The following SPIDR variants were observed in gnomAD, a reference collection of about 807,000 sequenced individuals.
The protein encoded by SPIDR is DNA repair-scaffolding protein.
SPIDR carries 93 observed loss-of-function variants against 104.6 expected under a neutral mutation model. That is an observed-to-expected ratio of 0.89 (90% CI 0.75 to 1.06). The LOEUF (loss-of-function observed/expected upper bound fraction) is 1.06, where lower values mean the gene tolerates loss of function less well. Among genes scored for constraint, SPIDR ranks in the 50% least tolerant of loss-of-function variants. The probability of loss-of-function intolerance (pLI) is 0.00; values close to 1 mark genes in which losing one functional copy is unlikely to be tolerated. For synonymous variants in SPIDR, 431 were observed against 416.9 expected (o/e 1.03, Z -0.41); for missense variants, 1,154 against 1,111.2 (o/e 1.04, Z -0.55).
In SPIDR at chr8:47,686,004, G is replaced by T. The variant is rs139539200; in HGVS notation, c.1685+12063G>T. Reference sequence around the variant, plus strand: ...AGACCTGTCTATACACAAGGAAAGGGAGGGAGGGAAGGAAGGAAGCAAGGA... The same window carrying T: ...AGACCTGTCTATACACAAGGAAAGGTAGGGAGGGAAGGAAGGAAGCAAGGA... On this transcript the variant is annotated intron_variant, in intron 11 of 19. Coordinates refer to ENST00000297423, the MANE Select transcript of SPIDR (RefSeq NM_001080394.4). 2.6e-3 allele frequency among the ~76,000 whole-genome samples: 393 copies of T among 152,272 alleles called. 2 individuals are homozygous for T. The highest frequency in any genetic ancestry group is 8.7e-3 in the African/African-American group (362 of 41,574).
chr8:47,720,194 A>C (rs1034312811), intron 16 of SPIDR, among the ~76,000 whole-genome samples: 1 of 152,128 alleles, frequency 6.6e-6, no homozygotes. Context: ...TTGATAGCGC[A>C]TTTCTTTTTA....
chr8:47,578,621 T>G (rs927526334), intron 8 of SPIDR, among the ~76,000 whole-genome samples: 1 of 152,254 alleles, frequency 6.6e-6, no homozygotes, highest in Non-Finnish European at 1.5e-5. Context: ...CTTGTTACTT[T>G]TGAGTGCTAG....
intron 8 of SPIDR, among the ~76,000 whole-genome samples, chr8:47,469,219 A>C (rs1388829289): frequency 1.3e-5 from 2 of 152,190 alleles, no homozygotes; most frequent in Admixed American, 1.3e-4. Context: ...TTGTGGAGAA[A>C]AAGGAATGTT....
chr8:47,570,888 C>T (rs573649314), intron 8 of SPIDR, among the ~76,000 whole-genome samples: 4 of 152,080 alleles, frequency 2.6e-5, no homozygotes, highest in East Asian at 1.9e-4. Context: ...GTCAGGAGTT[C>T]GAAACCAGCC....
At chr8:47,292,971 C>T (rs1433376315) in intron 4 of SPIDR, among the ~76,000 whole-genome samples, 1 of 152,088 alleles carries the variant, frequency 6.6e-6, no homozygotes, top group Non-Finnish European at 1.5e-5. Context: ...TTGTCTCTCC[C>T]TGGCTTCCTG....
At chr8:47,410,529 G>A (rs782277596) in intron 7 of SPIDR, among the ~76,000 whole-genome samples, 4 of 151,760 alleles carry the variant, frequency 2.6e-5, no homozygotes, top group African/African-American at 4.8e-5. Flanking sequence ...TTATACTTAC[G>A]ACTTTGTTTC....
intron 7 of SPIDR, among the ~76,000 whole-genome samples, chr8:47,436,741 AG>A (rs1490865454): frequency 6.6e-6 from 1 of 152,186 alleles, no homozygotes; most frequent in Non-Finnish European, 1.5e-5. Context: ...ATAAAATAAA[AG>A]CTTGCCTCAA....
intron 8 of SPIDR, among the ~76,000 whole-genome samples, chr8:47,528,840 A>T (rs1007458490): frequency 3.3e-5 from 5 of 152,194 alleles, no homozygotes; most frequent in Admixed American, 3.3e-4. Context: ...CATATGTGTA[A>T]TGGGAATACC....
chr8:47,557,883 G>A (rs1425886335), intron 8 of SPIDR, among the ~76,000 whole-genome samples: 1 of 152,070 alleles, frequency 6.6e-6, no homozygotes, highest in East Asian at 1.9e-4. Flanking sequence ...ATTCACAATA[G>A]CAGCGACCTG....
chr8:47,454,480 G>A (rs1169549366), intron 8 of SPIDR, among the ~76,000 whole-genome samples: 1 of 151,962 alleles, frequency 6.6e-6, no homozygotes, highest in Non-Finnish European at 1.5e-5. Flanking sequence ...CCTGTGGTGG[G>A]GTGCGGGGGT....
intron 14 of SPIDR, 76 bp downstream of exon 14, chr8:47,702,091 TCTCTCTTA>T (rs1279120560): frequency 0.012 from 1,030 of 83,902 alleles, 39 homozygotes; most frequent in African/African-American, 0.029. Flanking sequence ...TCTCTCTCTC[TCTCTCTTA>T]CACACACACA....
intron 6 of SPIDR, among the ~76,000 whole-genome samples, chr8:47,405,208 G>A (rs1298699222): frequency 2.0e-5 from 3 of 152,146 alleles, no homozygotes; most frequent in Admixed American, 1.3e-4. Flanking sequence ...CTGTCATGTG[G>A]TGGGGGGATG....
At chr8:47,518,828 G>C (rs377198706) in intron 8 of SPIDR, among the ~76,000 whole-genome samples, 1 of 151,998 alleles carries the variant, frequency 6.6e-6, no homozygotes, top group Non-Finnish European at 1.5e-5. Context: ...GTAAAGACAG[G>C]GTTTCACTGT....
chr8:47,390,217 C>T (rs1195281590), intron 5 of SPIDR, among the ~76,000 whole-genome samples: 5 of 152,050 alleles, frequency 3.3e-5, no homozygotes, highest in Non-Finnish European at 1.5e-5. Context: ...CTCCCAGTTG[C>T]CAGTGTAGTT....
intron 10 of SPIDR, among the ~76,000 whole-genome samples, chr8:47,670,173 C>G (rs1013947305): frequency 6.6e-6 from 1 of 152,084 alleles, no homozygotes; most frequent in African/African-American, 2.4e-5. Context: ...GGTCCTACCT[C>G]CAGTTCCCCT....
At chr8:47,423,983 C>G (rs1404300973) in intron 7 of SPIDR, among the ~76,000 whole-genome samples, 1 of 152,168 alleles carries the variant, frequency 6.6e-6, no homozygotes, top group Non-Finnish European at 1.5e-5. Flanking sequence ...ATATTAATCA[C>G]AATTACCCTT....
chr8:47,713,559 A>G lies in SPIDR; in HGVS notation c.2259A>G (p.Ala753=). ...QKPLLSVVSG[A]SSCELPGPVM... is the part of the protein sequence containing the mutation. Reference sequence around the variant, plus strand: ...CCCTTTTGAGTGTGGTCTCTGGTGCAAGTTCCTGTGAGCTGCCTGGCCCGG... The same window carrying G: ...CCCTTTTGAGTGTGGTCTCTGGTGCGAGTTCCTGTGAGCTGCCTGGCCCGG... The change falls in exon 16 of 20, where the codon GCA becomes GCG. Residue 753 remains alanine (A), a synonymous_variant. Coordinates refer to ENST00000297423, the MANE Select transcript of SPIDR (RefSeq NM_001080394.4). 1 of 1,614,124 alleles carries G rather than the reference A, an allele frequency of 6.2e-7. No individual in the cohort carries two copies. Among genetic ancestry groups the G allele is most frequent in the Non-Finnish European group, 8.5e-7 (1 of 1,180,026 alleles).
chr8:47,583,617 A>G (rs2059970763), intron 8 of SPIDR, among the ~76,000 whole-genome samples: 1 of 152,228 alleles, frequency 6.6e-6, no homozygotes, highest in Admixed American at 6.5e-5. Flanking sequence ...TGCTATCTAG[A>G]TAGATAGCAC....
chr8:47,365,047 T>G (rs1436718298), intron 5 of SPIDR, among the ~76,000 whole-genome samples: 1 of 152,208 alleles, frequency 6.6e-6, no homozygotes, highest in Non-Finnish European at 1.5e-5. Flanking sequence ...CTGCAAGTAT[T>G]TTGGAGAGTA....
Sources: allele counts gnomAD v4.1 joint callset (sites outside exome capture counted in the v4.1 genomes callset), GRCh38; gene constraint gnomAD v4.1.1; transcripts MANE v1.5; gene names NCBI Gene and HGNC (gene_info 2026-07-23, HGNC 2026-07-21).